Variants in IQGAP3 observed in about 807,000 individuals in gnomAD.
The protein encoded by IQGAP3 is IQ motif containing GTPase activating protein 3, also known as ras GTPase-activating-like protein IQGAP3.
A neutral mutation model predicts 208.2 loss-of-function variants in IQGAP3; 165 were observed. That is an observed-to-expected ratio of 0.79 (90% CI 0.70 to 0.90). IQGAP3 has a LOEUF of 0.90. IQGAP3 is among the 40% of genes least tolerant of loss of function. The pLI is 0.00. For missense variants in IQGAP3, 1,811 were observed against 2,043.1 expected, an observed-to-expected ratio of 0.89 and a Z score of 2.19; for synonymous variants, 703 against 803.6, an observed-to-expected ratio of 0.87 and a Z score of 2.12.
At chr1:156,530,041 T>C (rs1331142617) in intron 34 of IQGAP3, 64 bp downstream of exon 34, 2 of 1,306,232 alleles carry the variant, frequency 1.5e-6, no homozygotes, top group Non-Finnish European at 1.1e-6. Context: ...TGGATTAACA[T>C]GTATATGCAC....
chr1:156,540,047 A>T, intron 23 of IQGAP3, 57 bp from the exon 24 acceptor site: 1 of 1,598,334 alleles, frequency 6.3e-7, no homozygotes, highest in Non-Finnish European at 8.6e-7. Flanking sequence ...AGGGCACAGA[A>T]CATACGGTCT....
chr1:156,569,300 C>T (rs1407370407), intron 2 of IQGAP3, 76 bp downstream of exon 2: 1 of 911,686 alleles, frequency 1.1e-6, no homozygotes, highest in Non-Finnish European at 1.8e-6. Flanking sequence ...GTTGCATTTG[C>T]TTTAGCGGCA....
intron 1 of IQGAP3, 71 bp downstream of exon 1, chr1:156,572,422 C>A: frequency 6.6e-7 from 1 of 1,511,544 alleles, no homozygotes; most frequent in Non-Finnish European, 9.1e-7. Context: ...GCCCCAATCT[C>A]TCCCGGGACA....
In IQGAP3 at chr1:156,539,891, T is replaced by C. The variant is rs770281482; in HGVS notation, c.2839A>G (p.Lys947Glu). ...DKQKGLKSLS[K>E]EKRQKLEAYQ... ...GCTTCTAGTTTCTGCCGTTTCTCTTTGCTCAGCGACTTTAAACCCTTCTGC... is the reference window on the plus strand; with the variant it reads ...GCTTCTAGTTTCTGCCGTTTCTCTTCGCTCAGCGACTTTAAACCCTTCTGC... Residue 947 changes from lysine to glutamate, a missense_variant, in exon 24 of 38, where the codon AAA becomes GAA. Coordinates refer to ENST00000361170, the MANE Select transcript of IQGAP3 (RefSeq NM_178229.5). The C allele has an allele frequency of 6.2e-7, 1 of 1,614,066 alleles. No individual in the cohort carries two copies. The highest frequency in any genetic ancestry group is 1.3e-5 in the African/African-American group (1 of 74,922).
chr1:156,563,644 C>T lies in IQGAP3; in HGVS notation c.528G>A (p.Ala176=), dbSNP rs139934499. The T allele has an allele frequency of 5.7e-4, 925 of 1,613,154 alleles. 2 individuals are homozygous for T. Among genetic ancestry groups the T allele is most frequent in the Admixed American group, 1.6e-3 (98 of 59,912 alleles). The change falls in exon 7 of 38, where the codon GCG becomes GCA. Residue 176 remains alanine (A), a synonymous_variant. Transcript: ENST00000361170. The stretch of plus-strand genomic sequence containing the variant: ...GGAGGCCATATTTGGCCAGTTCGGA[C>T]GCCATGTTGCTGAGTTCCTCAGCTG... The part of the protein sequence containing the change: ...KFTAEELSNM[A]SELAKYGLQL...
At chr1:156,559,477 A>T (rs528387527) in intron 11 of IQGAP3, among the ~76,000 whole-genome samples, 33 of 152,358 alleles carry the variant, frequency 2.2e-4, no homozygotes, top group African/African-American at 7.9e-4. Flanking sequence ...AGAACTAAGG[A>T]TACCAAAGTA....
At chr1:156,546,726 T>C (rs1571334034) in intron 19 of IQGAP3, among the ~76,000 whole-genome samples, 1 of 152,226 alleles carries the variant, frequency 6.6e-6, no homozygotes, top group South Asian at 2.1e-4. Flanking sequence ...CAATGTCATA[T>C]GACCCAGAAG....
At chr1:156,539,123 C>T in intron 25 of IQGAP3, 90 bp from the exon 26 acceptor site, 2 of 1,157,102 alleles carry the variant, frequency 1.7e-6, no homozygotes, top group Non-Finnish European at 2.5e-6. Context: ...GCTCTCAAAG[C>T]CTGCCCTGGT....
At chr1:156,554,138 G>A (rs537186115) in intron 13 of IQGAP3, 97 bp downstream of exon 13, 1 of 1,429,976 alleles carries the variant, frequency 7.0e-7, no homozygotes, top group South Asian at 1.4e-5. Context: ...CCAAGAATGG[G>A]ACATCGTACA....
Position 156,539,376 on chromosome 1 carries a change from G to T in IQGAP3, c.3054C>A (p.Ile1018=). 6.2e-7 allele frequency: 1 copy of T among 1,613,568 alleles called. No individual in the cohort carries two copies. The highest frequency in any genetic ancestry group is 1.1e-5 in the South Asian group (1 of 91,014). ...TCCTTTGTGTCTGGAGAGCCTACTT[G>T]ATTTCCTCCTGGAGTGCTGTCTTGA... ...QLFKTALQEE[I]KSKVEQPQDV... is the part of the protein sequence containing the mutation. The change falls in exon 25 of 38, where the codon ATC becomes ATA. Residue 1018 remains isoleucine, a splice_region_variant and synonymous_variant. Coordinates refer to ENST00000361170, the MANE Select transcript of IQGAP3 (RefSeq NM_178229.5).
chr1:156,527,800 C>T (rs1031691167), intron 37 of IQGAP3, 152 bp downstream of exon 37: 1 of 606,682 alleles, frequency 1.6e-6, no homozygotes, highest in African/African-American at 1.9e-5. Context: ...GCACAGACCC[C>T]CACCCTTCTC....
chr1:156,559,777 A>C (rs1407333289), intron 11 of IQGAP3, among the ~76,000 whole-genome samples: 2 of 152,254 alleles, frequency 1.3e-5, no homozygotes, highest in Non-Finnish European at 1.5e-5. Flanking sequence ...GAATGTGAAC[A>C]GAAGAGCTGG....
rs371514554 is a variant in IQGAP3 at position 156,548,152 on chromosome 1, C to T, written c.2225G>A (p.Arg742His). 60 of 1,613,874 alleles carry T rather than the reference C, an allele frequency of 3.7e-5. No individual in the cohort carries two copies. Among genetic ancestry groups the T allele is most frequent in the South Asian group, 5.5e-5 (5 of 91,052 alleles). The change falls in exon 19 of 38, where the codon CGT becomes CAT. Residue 742 changes from arginine (R) to histidine (H), a missense_variant. Transcript: ENST00000361170. Reference protein sequence around the residue: ...GFVIQLQARLRGFLVRQKFAE... With the variant: ...GFVIQLQARLHGFLVRQKFAE... ...AAACTTCTGCCGAACTAGGAAGCCA[C>T]GGAGGCGGGCCTGGAGCTGGATAAC...
At chr1:156,528,453 A>G in intron 36 of IQGAP3, 56 bp downstream of exon 36, 2 of 1,318,862 alleles carry the variant, frequency 1.5e-6, no homozygotes, top group Non-Finnish European at 2.2e-6. Context: ...CCAGAGCTCC[A>G]CCCCCAGGTT....
intron 12 of IQGAP3, among the ~76,000 whole-genome samples, chr1:156,555,924 T>C (rs186498168): frequency 2.0e-5 from 3 of 152,248 alleles, no homozygotes; most frequent in Admixed American, 6.5e-5. Flanking sequence ...ATCCAAGTCA[T>C]GCTGGGAGTA....
intron 19 of IQGAP3, among the ~76,000 whole-genome samples, chr1:156,544,932 G>A (rs776705660): frequency 5.3e-5 from 8 of 152,182 alleles, no homozygotes; most frequent in Non-Finnish European, 1.2e-4. Context: ...GAGCAGTCTG[G>A]AAATGCATGC....
intron 16 of IQGAP3, 82 bp from the exon 17 acceptor site, chr1:156,548,830 T>C: frequency 2.2e-6 from 3 of 1,361,088 alleles, no homozygotes; most frequent in Non-Finnish European, 2.9e-6. Flanking sequence ...TAGGGACAGA[T>C]TCCATGAAAG....
At position 156,539,961 on chromosome 1, in the gene IQGAP3, G is replaced by A. The variant is rs911587069; in HGVS notation, c.2769C>T (p.Thr923=). 5.0e-6 allele frequency: 8 copies of A among 1,613,938 alleles called. No homozygotes were observed. Among genetic ancestry groups the A allele is most frequent in the Non-Finnish European group, 5.9e-6 (7 of 1,180,014 alleles). The change falls in exon 24 of 38, where the codon ACC becomes ACT. Residue 923 remains threonine (T), a synonymous_variant. Transcript: ENST00000361170. ...CTGACAGCTGTTCCTTATTCCTCTTGGTCAGCTTCTTGCAGTGGGAGACCA... is the reference window on the plus strand; with the variant it reads ...CTGACAGCTGTTCCTTATTCCTCTTAGTCAGCTTCTTGCAGTGGGAGACCA... ...QEVVSHCKKL[T]KRNKEQLSDM... is the part of the protein sequence containing the mutation.
At chr1:156,569,577 G>A in intron 1 of IQGAP3, 114 bp from the exon 2 acceptor site, 1 of 458,852 alleles carries the variant, frequency 2.2e-6, no homozygotes. Context: ...GGAGTGCAGT[G>A]GCCCAATCTT....
Sources: gnomAD v4.1 joint callset for allele counts (sites outside exome capture counted in the v4.1 genomes callset) on GRCh38, gnomAD v4.1.1 for gene constraint, MANE v1.5 for transcripts, NCBI Gene and HGNC (gene_info 2026-07-23, HGNC 2026-07-21) for gene names.